The following DDX6 variants were observed in gnomAD, a reference collection of about 807,000 sequenced individuals.
DDX6 encodes the protein DEAD-box helicase 6.
Under a neutral mutation model 60.6 loss-of-function variants are expected in DDX6, and 7 were observed. That is an observed-to-expected ratio of 0.12 (90% CI 0.07 to 0.22). The LOEUF (loss-of-function observed/expected upper bound fraction) is 0.22, where lower values mean the gene tolerates loss of function less well. Ranked by LOEUF, DDX6 falls within the 10% of genes least tolerant of loss-of-function variation. The pLI, the probability that DDX6 is intolerant of heterozygous loss-of-function variation, is 1.00. For synonymous variants in DDX6, 207 were observed against 201.0 expected (o/e 1.03, Z -0.25); for missense variants, 270 against 589.9 (o/e 0.46, Z 5.62).
Position 118,770,646 on chromosome 11 carries a change from T to C in DDX6, c.370-2294A>G, listed in dbSNP as rs191104519. On this transcript the variant is annotated intron_variant, in intron 4 of 13. Transcript: ENST00000534980. Reference sequence around the variant, plus strand: ...GGCTCATGTCTGTAATCCCAGCACTTTGGGAGGCTGAGGTAGGCAGATCAC... The same window carrying C: ...GGCTCATGTCTGTAATCCCAGCACTCTGGGAGGCTGAGGTAGGCAGATCAC... 3.0e-3 allele frequency among the ~76,000 whole-genome samples: 464 copies of C among 152,148 alleles called. 2 individuals are homozygous for C. Among genetic ancestry groups the C allele is most frequent in the Non-Finnish European group, 4.6e-3 (312 of 67,972 alleles).
chr11:118,765,872 G>A (rs1161388308), intron 5 of DDX6, among the ~76,000 whole-genome samples: 3 of 151,784 alleles, frequency 2.0e-5, no homozygotes, highest in Non-Finnish European at 4.4e-5. Context: ...ATCACCTGAG[G>A]CCGGGAGTTT....
At chr11:118,752,515 G>C (rs1565557787) in intron 13 of DDX6, among the ~76,000 whole-genome samples, 2 of 152,150 alleles carry the variant, frequency 1.3e-5, no homozygotes, top group Non-Finnish European at 1.5e-5. Flanking sequence ...GCTCCTGCCA[G>C]TAATCTCAGC....
Position 118,751,805 on chromosome 11 carries a change from CTTCTCTTCT to C in DDX6, c.*291_*299del, listed in dbSNP as rs1555157428. Reference sequence around the variant, plus strand: ...TTCTTCTCTTTTTAGGGTTTCTCCCCTTCTCTTCTTTCTTTTCCTTCCTTGTCCCCTTTC... The same window carrying C: ...TTCTTCTCTTTTTAGGGTTTCTCCCCTTCTTTTCCTTCCTTGTCCCCTTTC... On this transcript the variant is annotated 3_prime_UTR_variant, in exon 14 of 14. Coordinates refer to ENST00000534980, the MANE Select transcript of DDX6 (RefSeq NM_004397.6). 1 of 385,254 alleles carries C rather than the reference CTTCTCTTCT, an allele frequency of 2.6e-6. No individual in the cohort carries two copies. The highest frequency in any genetic ancestry group is 5.0e-6 in the Non-Finnish European group (1 of 198,940). 23.9% of individuals were successfully genotyped at this position (385,254 alleles called of 1,614,324 possible).
intron 3 of DDX6, among the ~76,000 whole-genome samples, 158 bp downstream of exon 3, chr11:118,780,963 G>C (rs527624062): frequency 6.6e-6 from 1 of 152,266 alleles, no homozygotes; most frequent in Non-Finnish European, 1.5e-5. Flanking sequence ...CCACAAAATG[G>C]GAATATATAG....
chr11:118,753,253 G>A (rs781683555), intron 13 of DDX6, among the ~76,000 whole-genome samples: 4 of 150,992 alleles, frequency 2.6e-5, no homozygotes, highest in Non-Finnish European at 5.9e-5. Flanking sequence ...TGGTCTTGAA[G>A]TCCTGACCTC....
intron 1 of DDX6, chr11:118,790,027 T>G (rs186347069): frequency 6.6e-6 from 1 of 152,290 alleles, no homozygotes; most frequent in East Asian, 1.9e-4. Context: ...AGTTAGCAAT[T>G]GACAGTTTCA....
intron 6 of DDX6, among the ~76,000 whole-genome samples, chr11:118,764,197 T>C (rs1215280415): frequency 3.9e-5 from 6 of 152,204 alleles, no homozygotes; most frequent in Non-Finnish European, 7.3e-5. Context: ...ATGTATCACA[T>C]AATTATCATA....
At chr11:118,790,100 C>G (rs1862217150) in intron 1 of DDX6, 1 of 152,110 alleles carries the variant, frequency 6.6e-6, no homozygotes, top group Admixed American at 6.5e-5. Flanking sequence ...CGCAGTTTTT[C>G]TAGCTTTGCC....
At chr11:118,765,524 C>T (rs1409416449) in intron 5 of DDX6, among the ~76,000 whole-genome samples, 169 bp from the exon 6 acceptor site, 1 of 152,192 alleles carries the variant, frequency 6.6e-6, no homozygotes, top group African/African-American at 2.4e-5. Context: ...CCTGTAATCC[C>T]AGCACTCTGG....
At chr11:118,773,154 C>T (rs1359275984) in intron 4 of DDX6, among the ~76,000 whole-genome samples, 6 of 152,166 alleles carry the variant, frequency 3.9e-5, no homozygotes, top group Non-Finnish European at 8.8e-5. Context: ...AATCTCCTAG[C>T]ATTGAGAGGC....
At chr11:118,771,116 G>C (rs1055726148) in intron 4 of DDX6, among the ~76,000 whole-genome samples, 1 of 152,078 alleles carries the variant, frequency 6.6e-6, no homozygotes, top group East Asian at 1.9e-4. Context: ...TGGTTCTGTG[G>C]TGCCAGTAGT....
Position 118,777,897 on chromosome 11 carries a change from G to GAAAAA in DDX6, c.369+1730_369+1734dup, listed in dbSNP as rs374046858. The stretch of plus-strand genomic sequence containing the variant: ...GAGCTAGACTCCATCTCAAAAAAGA[G>GAAAAA]AAAAAAAAAAAAAAAAACCAAGAAA... On this transcript the variant is annotated intron_variant, in intron 4 of 13. Coordinates refer to ENST00000534980, the MANE Select transcript of DDX6 (RefSeq NM_004397.6). 8.0e-5 allele frequency among the ~76,000 whole-genome samples: 8 copies of GAAAAA among 99,622 alleles called. 1 individual carries two copies. The highest frequency in any genetic ancestry group is 3.0e-4 in the East Asian group (1 of 3,368). 65.4% of individuals were successfully genotyped at this position (99,622 alleles called of 152,430 possible). A position where few individuals can be genotyped will look rare whatever the true frequency, so the allele number is the denominator to read the frequency against.
At chr11:118,779,126 A>T (rs1555164149) in intron 4 of DDX6, among the ~76,000 whole-genome samples, 1 of 141,068 alleles carries the variant, frequency 7.1e-6, no homozygotes, top group Admixed American at 7.7e-5. Context: ...ACTGAACTCC[A>T]GCCTGGGTGA....
Position 118,755,517 on chromosome 11 carries a change from AG to A in DDX6, c.1175-15del, listed in dbSNP as rs782257650. On this transcript the variant is annotated splice_polypyrimidine_tract_variant and intron_variant, in intron 11 of 13. Transcript: ENST00000534980. Reference sequence around the variant, plus strand: ...GGGTAAACAGATCTTAAAAAAAAAAAGATAATTTTCATTTTTTCAATTTAGA... The same window carrying A: ...GGGTAAACAGATCTTAAAAAAAAAAAATAATTTTCATTTTTTCAATTTAGA... The A allele has an allele frequency of 1.6e-5, 23 of 1,414,660 alleles. No individual in the cohort carries two copies. The African/African-American group carries it at 3.3e-4, about 20-fold the overall frequency. The allele number at this position is 1,414,660 out of a possible 1,614,324, so 87.6% of individuals were successfully genotyped here. A position where few individuals can be genotyped will look rare whatever the true frequency, so the allele number is the denominator to read the frequency against.
intron 13 of DDX6, chr11:118,754,497 G>A (rs183156796): frequency 7.8e-5 from 36 of 460,022 alleles, no homozygotes; most frequent in East Asian, 7.5e-4. Flanking sequence ...CACATTACCC[G>A]GGAAGCTGCA....
At chr11:118,769,741 G>A (rs1215729876) in intron 4 of DDX6, among the ~76,000 whole-genome samples, 1 of 151,862 alleles carries the variant, frequency 6.6e-6, no homozygotes, top group African/African-American at 2.4e-5. Flanking sequence ...GTCTCGCTCT[G>A]TCGCCCAGGC....
At chr11:118,757,146 G>T in intron 10 of DDX6, 25 bp downstream of exon 10, 2 of 1,131,034 alleles carry the variant, frequency 1.8e-6, no homozygotes, top group South Asian at 1.6e-5. Flanking sequence ...TATTAAATTT[G>T]TGCAAGTTCT....
At position 118,750,449 on chromosome 11, in the gene DDX6, G is replaced by C. The variant is rs1555156930; in HGVS notation, c.*1656C>G. 3 of 152,120 alleles carry C rather than the reference G, an allele frequency of 2.0e-5. No individual in the cohort carries two copies. The highest frequency in any genetic ancestry group is 1.5e-5 in the Non-Finnish European group (1 of 68,026). 9.4% of individuals were successfully genotyped at this position (152,120 alleles called of 1,614,324 possible). A position where few individuals can be genotyped will look rare whatever the true frequency, so the allele number is the denominator to read the frequency against. On this transcript the variant is annotated 3_prime_UTR_variant, in exon 14 of 14. Transcript: ENST00000534980. ...TCACAATGCAAGAGAATGGCAAGCAGCTTTCTGTAGCATGAAAGTTAACAG... is the reference window on the plus strand; with the variant it reads ...TCACAATGCAAGAGAATGGCAAGCACCTTTCTGTAGCATGAAAGTTAACAG...
intron 9 of DDX6, among the ~76,000 whole-genome samples, 158 bp downstream of exon 9, chr11:118,758,616 C>T (rs1861059203): frequency 6.6e-6 from 1 of 152,178 alleles, no homozygotes; most frequent in African/African-American, 2.4e-5. Context: ...CGTGATCTGC[C>T]TGCCTCAGCC....
Sources: allele counts gnomAD v4.1 joint callset (sites outside exome capture counted in the v4.1 genomes callset), GRCh38; gene constraint gnomAD v4.1.1; transcripts MANE v1.5; gene names NCBI Gene and HGNC (gene_info 2026-07-23, HGNC 2026-07-21).